Variants in NCALD observed in about 807,000 individuals in gnomAD.
The protein encoded by NCALD is neurocalcin delta.
In NCALD, 10 loss-of-function variants were observed where a neutral mutation model predicts 18.6. The ratio of observed to expected loss-of-function variants is 0.54; its 90% CI spans 0.33 to 0.91. The LOEUF (loss-of-function observed/expected upper bound fraction) is 0.91, where lower values mean the gene tolerates loss of function less well. Among genes scored for constraint, NCALD ranks in the 40% least tolerant of loss-of-function variants. The pLI is 0.03. For missense variants in NCALD, 184 were observed against 247.6 expected, an observed-to-expected ratio of 0.74 and a Z score of 1.72; for synonymous variants, 88 against 87.4, an observed-to-expected ratio of 1.01 and a Z score of -0.04.
intron 1 of NCALD, among the ~76,000 whole-genome samples, chr8:102,046,696 G>A (rs1044257163): frequency 2.0e-5 from 3 of 151,692 alleles, no homozygotes; most frequent in Admixed American, 1.3e-4. Flanking sequence ...GTAGAGATGC[G>A]GTTTGCCATC....
Position 101,848,563 on chromosome 8 carries a change from T to A in NCALD, c.-20+38578A>T, listed in dbSNP as rs190060090. Among the ~76,000 whole-genome samples, 132 of 152,322 alleles carry A rather than the reference T, an allele frequency of 8.7e-4. 1 individual carries two copies. Among genetic ancestry groups the A allele is most frequent in the African/African-American group, 3.2e-3 (131 of 41,586 alleles). On this transcript the variant is annotated intron_variant, in intron 4 of 6. Coordinates refer to the NCALD transcript ENST00000311028. ...ACAAAAGAAGAGGTCATGATTCCCA[T>A]AATCTATGGGTTTTATATGGAGAGT...
In NCALD at chr8:101,892,375, T is replaced by C. The variant is rs2131516578; in HGVS notation, c.-106-5148A>G. On this transcript the variant is annotated intron_variant, in intron 3 of 6. Transcript: ENST00000311028. ...AAAACCCATCTGTACATCACCATTATCAAAGACCAAAAGTAGATAAAACCA... is the reference window on the plus strand; with the variant it reads ...AAAACCCATCTGTACATCACCATTACCAAAGACCAAAAGTAGATAAAACCA... 1.4e-5 allele frequency among the ~76,000 whole-genome samples: 2 copies of C among 147,654 alleles called. 1 individual carries two copies. The highest frequency in any genetic ancestry group is 5.3e-5 in the African/African-American group (2 of 37,744).
chr8:101,902,788 C>T (rs775499637), intron 3 of NCALD, among the ~76,000 whole-genome samples: 2 of 152,146 alleles, frequency 1.3e-5, no homozygotes, highest in Non-Finnish European at 2.9e-5. Flanking sequence ...CTTACCTGGC[C>T]TCTGACCCAT....
At chr8:102,089,180 G>T (rs56403816) in intron 1 of NCALD, among the ~76,000 whole-genome samples, 17,730 of 152,176 alleles carry the variant, frequency 0.12, 1,947 homozygotes, top group African/African-American at 0.28. Flanking sequence ...GGATCACAAG[G>T]TCAGGAGATG....
At chr8:101,830,834 G>A (rs906390687) in intron 4 of NCALD, among the ~76,000 whole-genome samples, 4 of 150,840 alleles carry the variant, frequency 2.7e-5, no homozygotes, top group African/African-American at 9.7e-5. Context: ...TCCGCCTCCC[G>A]GTTCACGCAA....
intron 1 of NCALD, among the ~76,000 whole-genome samples, chr8:101,735,859 CCTT>C (rs1421635577): frequency 2.6e-5 from 4 of 152,212 alleles, no homozygotes; most frequent in South Asian, 2.1e-4. Flanking sequence ...GAGTGAGGCT[CCTT>C]CTTCTTCCTT....
At chr8:101,945,682 A>G (rs996272734) in intron 2 of NCALD, among the ~76,000 whole-genome samples, 1 of 152,216 alleles carries the variant, frequency 6.6e-6, no homozygotes, top group Non-Finnish European at 1.5e-5. Context: ...CTGAAGACAG[A>G]CAATGCTTGG....
chr8:101,774,649 A>G (rs1811718652), intron 1 of NCALD, among the ~76,000 whole-genome samples: 1 of 152,204 alleles, frequency 6.6e-6, no homozygotes, highest in African/African-American at 2.4e-5. Flanking sequence ...CTCACAAGTG[A>G]TGGAGTGCAT....
chr8:101,850,131 A>G (rs1356168529), intron 4 of NCALD, among the ~76,000 whole-genome samples: 1 of 152,164 alleles, frequency 6.6e-6, no homozygotes, highest in Non-Finnish European at 1.5e-5. Flanking sequence ...CATGTCACTG[A>G]AGAGGCCTCT....
chr8:101,734,676 T>A (rs1816996125), intron 1 of NCALD, among the ~76,000 whole-genome samples: 1 of 152,166 alleles, frequency 6.6e-6, no homozygotes, highest in Non-Finnish European at 1.5e-5. Flanking sequence ...AGGGATATAT[T>A]CCCTAAATGA....
At chr8:102,111,615 G>T (rs1464735973) in intron 1 of NCALD, among the ~76,000 whole-genome samples, 1 of 152,094 alleles carries the variant, frequency 6.6e-6, no homozygotes, top group Non-Finnish European at 1.5e-5. Flanking sequence ...ATATTAAAAA[G>T]TTTTAAATAA....
intron 2 of NCALD, among the ~76,000 whole-genome samples, chr8:101,988,533 G>A (rs1020694704): frequency 6.6e-6 from 1 of 152,192 alleles, no homozygotes; most frequent in Non-Finnish European, 1.5e-5. Flanking sequence ...TCAAAAGGTT[G>A]TTATGAAGAC....
At chr8:101,965,922 T>C (rs1820008828) in intron 2 of NCALD, among the ~76,000 whole-genome samples, 1 of 152,176 alleles carries the variant, frequency 6.6e-6, no homozygotes, top group Non-Finnish European at 1.5e-5. Flanking sequence ...ACTTAATAAA[T>C]TGAAATAGAT....
intron 1 of NCALD, among the ~76,000 whole-genome samples, chr8:102,036,609 T>C (rs1196818862): frequency 6.6e-6 from 1 of 151,970 alleles, no homozygotes; most frequent in Non-Finnish European, 1.5e-5. Flanking sequence ...ACCCCATTTC[T>C]ACTAAAAATA....
intron 1 of NCALD, among the ~76,000 whole-genome samples, chr8:101,725,351 C>G (rs1436005720): frequency 6.6e-6 from 1 of 152,200 alleles, no homozygotes; most frequent in African/African-American, 2.4e-5. Context: ...GAAGCCTGGC[C>G]AGAGATGGTG....
At chr8:101,936,502 T>C (rs1586785930) in intron 2 of NCALD, among the ~76,000 whole-genome samples, 1 of 152,080 alleles carries the variant, frequency 6.6e-6, no homozygotes, top group Admixed American at 6.5e-5. Flanking sequence ...TTTAGAAATA[T>C]AGAAGGTAAT....
intron 3 of NCALD, among the ~76,000 whole-genome samples, chr8:101,912,931 G>A (rs1817852238): frequency 6.6e-6 from 1 of 152,246 alleles, no homozygotes; most frequent in African/African-American, 2.4e-5. Context: ...TGACAAGCCT[G>A]TGAGATGCCA....
chr8:101,811,811 T>C (rs554938495), intron 4 of NCALD, among the ~76,000 whole-genome samples: 2 of 152,298 alleles, frequency 1.3e-5, no homozygotes, highest in Non-Finnish European at 2.9e-5. Context: ...AGTTGGCTTT[T>C]GGTAGTTTCT....
chr8:101,778,651 G>A (rs1339260717), intron 1 of NCALD, among the ~76,000 whole-genome samples: 1 of 152,004 alleles, frequency 6.6e-6, no homozygotes, highest in Non-Finnish European at 1.5e-5. Context: ...TCCTCTGAAT[G>A]CACATAAAAG....
Sources: allele counts gnomAD v4.1 joint callset (sites outside exome capture counted in the v4.1 genomes callset), GRCh38; gene constraint gnomAD v4.1.1; transcripts MANE v1.5; gene names NCBI Gene and HGNC (gene_info 2026-07-23, HGNC 2026-07-21).